The following CASP10 variants were observed in gnomAD, a reference collection of about 807,000 sequenced individuals.
The protein encoded by CASP10 is caspase 10, also known as caspase-10.
Under a neutral mutation model 48.5 loss-of-function variants are expected in CASP10, and 41 were observed. That is an observed-to-expected ratio of 0.85 (90% CI 0.66 to 1.10). The LOEUF (loss-of-function observed/expected upper bound fraction) is 1.10, where lower values mean the gene tolerates loss of function less well. Among genes scored for constraint, CASP10 ranks in the 50% least tolerant of loss-of-function variants. CASP10 has a pLI of 0.00. For missense variants in CASP10, 614 were observed against 614.5 expected, an observed-to-expected ratio of 1.00 and a Z score of 0.01; for synonymous variants, 232 against 238.4, an observed-to-expected ratio of 0.97 and a Z score of 0.25.
chr2:201,208,283 G>A (rs751757781), intron 8 of CASP10, 100 bp downstream of exon 8: 24 of 1,469,444 alleles, frequency 1.6e-5, no homozygotes, highest in Non-Finnish European at 2.0e-5. Flanking sequence ...TTCCATATAC[G>A]TGTAAGGATG....
intron 4 of CASP10, 93 bp from the exon 5 acceptor site, chr2:201,195,749 C>G: frequency 1.1e-6 from 1 of 932,632 alleles, no homozygotes; most frequent in Admixed American, 1.7e-5. Flanking sequence ...GCAATCTTGG[C>G]TCACTGCAAC....
chr2:201,209,881 C>T (rs1233075266), intron 9 of CASP10, among the ~76,000 whole-genome samples: 2 of 152,178 alleles, frequency 1.3e-5, no homozygotes, highest in Non-Finnish European at 2.9e-5. Context: ...TCCTTGCCCT[C>T]AGGTTGCTTA....
chr2:201,196,153 T>C (rs935496994), intron 5 of CASP10: 2 of 547,408 alleles, frequency 3.7e-6, no homozygotes, highest in African/African-American at 3.8e-5. Flanking sequence ...TGGCTGACAC[T>C]AGCTGACTAG....
chr2:201,195,719 C>T (rs964010169), intron 4 of CASP10, 123 bp from the exon 5 acceptor site: 1 of 765,308 alleles, frequency 1.3e-6, no homozygotes, highest in Non-Finnish European at 2.4e-6. Context: ...TACTCTGTCC[C>T]CAGGCTGCAG....
At chr2:201,205,812 C>T (rs181597355) in intron 6 of CASP10, 70 bp from the exon 7 acceptor site, 96 of 962,484 alleles carry the variant, frequency 1.0e-4, no homozygotes, top group African/African-American at 6.7e-4. Context: ...GAATTAGATG[C>T]GAAAATTATC....
chr2:201,204,284 C>A (rs529764636), intron 6 of CASP10, among the ~76,000 whole-genome samples: 20 of 152,192 alleles, frequency 1.3e-4, no homozygotes, highest in Non-Finnish European at 2.4e-4. Context: ...GGTTAAACTG[C>A]TTATGAACAA....
At position 201,221,295 on chromosome 2, in the gene CASP10, A is replaced by G. The variant is rs977317491; in HGVS notation, c.*3554A>G. Reference sequence around the variant, plus strand: ...TTCAGTTGGACAAAATGCTGTTGATAAAACCTCCTGTCAGGCCTCTGAGCC... The same window carrying G: ...TTCAGTTGGACAAAATGCTGTTGATGAAACCTCCTGTCAGGCCTCTGAGCC... On this transcript the variant is annotated 3_prime_UTR_variant, in exon 10 of 10. Transcript: ENST00000286186. The G allele has an allele frequency of 1.0e-6, 1 of 986,322 alleles. No homozygotes were observed. The highest frequency in any genetic ancestry group is 4.7e-5 in the South Asian group (1 of 21,468). 61.1% of individuals were successfully genotyped at this position (986,322 alleles called of 1,614,324 possible). A position where few individuals can be genotyped will look rare whatever the true frequency, so the allele number is the denominator to read the frequency against.
At chr2:201,192,157 G>A (rs1020471165) in intron 3 of CASP10, among the ~76,000 whole-genome samples, 1 of 152,168 alleles carries the variant, frequency 6.6e-6, no homozygotes, top group Non-Finnish European at 1.5e-5. Context: ...CACTTTGGGA[G>A]GCCAAGGCAA....
intron 1 of CASP10, 38 bp downstream of exon 1, chr2:201,183,346 T>C (rs2126000650): frequency 6.6e-6 from 1 of 152,348 alleles, no homozygotes. Context: ...CAGAGTCTCA[T>C]GCTTGAATCT....
chr2:201,193,585 C>T (rs1944687903), intron 4 of CASP10, among the ~76,000 whole-genome samples: 1 of 152,168 alleles, frequency 6.6e-6, no homozygotes, highest in South Asian at 2.1e-4. Context: ...TCATTCAACA[C>T]ATATTGGTTG....
rs1316096549 is a variant in CASP10 at position 201,209,522 on chromosome 2, A to T, written c.1375A>T (p.Ile459Phe). The T allele has an allele frequency of 3.1e-6, 5 of 1,613,024 alleles. No individual in the cohort carries two copies. In the East Asian group the frequency reaches 6.7e-5, roughly 22 times the overall value. The part of the protein sequence containing the change: ...FRHVEEGSWY[I>F]QSLCNHLKKL... ...GCATGTGGAGGAAGGCAGCTGGTATATTCAGTCTCTGTGTAATCATCTGAA... is the reference window on the plus strand; with the variant it reads ...GCATGTGGAGGAAGGCAGCTGGTATTTTCAGTCTCTGTGTAATCATCTGAA... Residue 459 changes from isoleucine to phenylalanine, a missense_variant, in exon 9 of 10, where the codon ATT becomes TTT. By Grantham distance (21) the Ile-to-Phe change is conservative (BLOSUM62 0). Coordinates refer to ENST00000286186, the MANE Select transcript of CASP10 (RefSeq NM_032977.4).
chr2:201,200,653 C>T, intron 5 of CASP10: 1 of 1,418,330 alleles, frequency 7.1e-7, no homozygotes, highest in South Asian at 1.6e-5. Context: ...GAGGGAATCT[C>T]AGCTTTGGGA....
At position 201,213,261 on chromosome 2, in the gene CASP10, A is replaced by C. The variant is rs41365644; in HGVS notation, c.1415+3699A>C. On this transcript the variant is annotated intron_variant, in intron 9 of 9. Transcript: ENST00000286186. Reference sequence around the variant, plus strand: ...GACTTCTATTATTAGACCACAATCTAACATTTTGATTAAACTATATTTACA... The same window carrying C: ...GACTTCTATTATTAGACCACAATCTCACATTTTGATTAAACTATATTTACA... The C allele has an allele frequency of 7.1e-4, 108 of 152,314 alleles. 1 individual carries two copies. The East Asian group carries it at 0.02, about 28-fold the overall frequency. The allele number at this position is 152,314 out of a possible 1,614,324, so 9.4% of individuals were successfully genotyped here.
At chr2:201,183,660 C>A (rs1944307782) in intron 1 of CASP10, among the ~76,000 whole-genome samples, 1 of 152,110 alleles carries the variant, frequency 6.6e-6, no homozygotes, top group South Asian at 2.1e-4. Flanking sequence ...CAGGGAAGAT[C>A]CCCTGGATTA....
chr2:201,189,999 C>CA (rs759846354), intron 3 of CASP10, among the ~76,000 whole-genome samples: 1 of 151,944 alleles, frequency 6.6e-6, no homozygotes, highest in Non-Finnish European at 1.5e-5. Flanking sequence ...GACCCTGTCT[C>CA]AAAAAAATAG....
chr2:201,226,404 A>G (rs1328122057), downstream of CASP10, among the ~76,000 whole-genome samples: 1 of 152,226 alleles, frequency 6.6e-6, no homozygotes, highest in Non-Finnish European at 1.5e-5. Flanking sequence ...AATTTGCAAT[A>G]TTTATAAATG....
At chr2:201,221,690 G>GGAC (rs1945724860), downstream of CASP10, 1 of 152,236 alleles carries the variant, frequency 6.6e-6, no homozygotes, top group African/African-American at 2.4e-5. Context: ...CTCTTCACAA[G>GGAC]GACGCGAGTG....
downstream of CASP10, among the ~76,000 whole-genome samples, chr2:201,226,331 A>G (rs1576157784): frequency 6.6e-6 from 1 of 152,246 alleles, no homozygotes; most frequent in Non-Finnish European, 1.5e-5. Context: ...GAAGATACAG[A>G]GCAAAGGGAA....
At position 201,209,572 on chromosome 2, in the gene CASP10, C is replaced by CT. The variant is rs749295497; in HGVS notation, c.1415+18dup. 1.1e-5 allele frequency: 17 copies of CT among 1,595,552 alleles called. 1 individual carries two copies. The highest frequency in any genetic ancestry group is 8.1e-5 in the South Asian group (7 of 86,922). On this transcript the variant is annotated intron_variant, in intron 9 of 9. Transcript: ENST00000286186. Reference sequence around the variant, plus strand: ...AGAAATTGGTCCCAAGGTGAGAGCTCTTTTTTTTCTTCCATTTGTAATTAA... The same window carrying CT: ...AGAAATTGGTCCCAAGGTGAGAGCTCTTTTTTTTTCTTCCATTTGTAATTAA...
Sources: gnomAD v4.1 joint callset for allele counts (sites outside exome capture counted in the v4.1 genomes callset) on GRCh38, gnomAD v4.1.1 for gene constraint, MANE v1.5 for transcripts, NCBI Gene and HGNC (gene_info 2026-07-23, HGNC 2026-07-21) for gene names.